ZNF462: variants seen among roughly 807,000 people sequenced by gnomAD.
ZNF462 encodes the protein zinc finger protein 462.
Under a neutral mutation model 201.9 loss-of-function variants are expected in ZNF462, and 10 were observed. The observed-to-expected ratio is 0.05, with a 90% CI of 0.03 to 0.08. The LOEUF is 0.08. Ranked by LOEUF, ZNF462 falls within the 10% of genes least tolerant of loss-of-function variation. The pLI, the probability that ZNF462 is intolerant of heterozygous loss-of-function variation, is 1.00. For synonymous variants in ZNF462, 1,227 were observed against 1,193.3 expected (o/e 1.03, Z -0.58); for missense variants, 2,523 against 3,168.3 (o/e 0.80, Z 4.89).
At chr9:106,864,186 T>C (rs1223262110) in intron 1 of ZNF462, among the ~76,000 whole-genome samples, 2 of 142,044 alleles carry the variant, frequency 1.4e-5, no homozygotes, top group African/African-American at 5.3e-5. Context: ...CCGGTGCTGC[T>C]GGTGAACAGA....
chr9:106,908,491 GTA>G (rs1829366584), intron 1 of ZNF462, among the ~76,000 whole-genome samples: 1 of 151,666 alleles, frequency 6.6e-6, no homozygotes, highest in African/African-American at 2.4e-5. Context: ...CTTTTGCTTG[GTA>G]TATGTTTAAT....
In ZNF462 at chr9:106,929,174, T is replaced by C. The variant is rs930482886; in HGVS notation, c.5262T>C (p.Pro1754=). ...IIPSPPKDDS[P]QLSEELRRAV... ...CATCCCCGCCCAAGGACGACTCCCCTCAGCTGAGCGAGGAACTCCGGCGGG... is the reference window on the plus strand; with the variant it reads ...CATCCCCGCCCAAGGACGACTCCCCCCAGCTGAGCGAGGAACTCCGGCGGG... The change falls in exon 3 of 13, where the codon CCT becomes CCC. Residue 1754 remains proline (P), a synonymous_variant. Transcript: ENST00000277225. The surrounding 1 kb of genome is among the most constrained non-coding windows in gnomAD (Gnocchi z 8.7). 1 of 1,613,996 alleles carries C rather than the reference T, an allele frequency of 6.2e-7. No individual in the cohort carries two copies. Among genetic ancestry groups the C allele is most frequent in the African/African-American group, 1.3e-5 (1 of 75,000 alleles).
At position 106,993,643 on chromosome 9, in the gene ZNF462, A is replaced by T. The variant is rs1341186412; in HGVS notation, c.7056+9234A>T. On this transcript the variant is annotated intron_variant, in intron 10 of 12. Transcript: ENST00000277225. The surrounding 1 kb of genome is among the most constrained non-coding windows in gnomAD (Gnocchi z 4.0). ...CCTTTACTTCCCTCTCCCTTCCTTCACTCCCTGCATTCTCTGTCCCCCAAC... is the reference window on the plus strand; with the variant it reads ...CCTTTACTTCCCTCTCCCTTCCTTCTCTCCCTGCATTCTCTGTCCCCCAAC... Among the ~76,000 whole-genome samples the T allele has an allele frequency of 1.7e-5, 2 of 120,852 alleles. No individual in the cohort carries two copies. The highest frequency in any genetic ancestry group is 2.6e-4 in the South Asian group (1 of 3,780). The allele number at this position is 120,852 out of a possible 152,430, so 79.3% of individuals were successfully genotyped here. A position where few individuals can be genotyped will look rare whatever the true frequency, so the allele number is the denominator to read the frequency against.
rs79786471 is a variant in ZNF462, at chr9:107,005,077, T to C, written c.7189+1651T>C. Among the ~76,000 whole-genome samples, 303 of 152,292 alleles carry C rather than the reference T, an allele frequency of 2.0e-3. 3 individuals are homozygous for C. Among genetic ancestry groups the C allele is most frequent in the African/African-American group, 7.0e-3 (291 of 41,578 alleles). On this transcript the variant is annotated intron_variant, in intron 11 of 12. Coordinates refer to ENST00000277225, the MANE Select transcript of ZNF462 (RefSeq NM_021224.6). The surrounding 1 kb of genome is among the most constrained non-coding windows in gnomAD (Gnocchi z 4.4). ...TTTTTTAATGGTGAATAGTATTTCATGTGTGTATATACCACATTTTCTTTA... is the reference window on the plus strand; with the variant it reads ...TTTTTTAATGGTGAATAGTATTTCACGTGTGTATATACCACATTTTCTTTA...
chr9:107,006,952 T>C lies in ZNF462; in HGVS notation c.7190-2593T>C, dbSNP rs1217000587. On this transcript the variant is annotated intron_variant, in intron 11 of 12. Coordinates refer to ENST00000277225, the MANE Select transcript of ZNF462 (RefSeq NM_021224.6). The surrounding 1 kb of genome is among the most constrained non-coding windows in gnomAD (Gnocchi z 4.3). ...ACGGTTGTGATCGGAGAAGCATGGC[T>C]TCTTTCTTTTTTCTTTTTCAAACCA... Among the ~76,000 whole-genome samples, 1 of 152,190 alleles carries C rather than the reference T, an allele frequency of 6.6e-6. No homozygotes were observed. Among genetic ancestry groups the C allele is most frequent in the Non-Finnish European group, 1.5e-5 (1 of 68,034 alleles).
chr9:106,931,454 C>T (rs537150472), intron 4 of ZNF462, among the ~76,000 whole-genome samples: 16 of 152,316 alleles, frequency 1.1e-4, no homozygotes, highest in African/African-American at 3.4e-4. Context: ...ATATTTTTGT[C>T]ATCTGCCCTT....
chr9:106,953,659 T>C (rs1000109307), intron 7 of ZNF462, among the ~76,000 whole-genome samples: 1 of 152,060 alleles, frequency 6.6e-6, no homozygotes. Context: ...CTCTCTCTCT[T>C]TACAGATATA....
intron 7 of ZNF462, among the ~76,000 whole-genome samples, chr9:106,956,336 G>C (rs1831573086): frequency 6.6e-6 from 1 of 152,098 alleles, no homozygotes; most frequent in South Asian, 2.1e-4. Context: ...CATTTTGAAA[G>C]GAATCTTTTT....
At position 106,913,050 on chromosome 9, in the gene ZNF462, A is replaced by C. The variant is rs1829616841; in HGVS notation, c.-30-10304A>C. 6.6e-6 allele frequency among the ~76,000 whole-genome samples: 1 copy of C among 152,210 alleles called. No individual in the cohort carries two copies. Among genetic ancestry groups the C allele is most frequent in the African/African-American group, 2.4e-5 (1 of 41,468 alleles). ...TAGTCAGGTGATGACTCCAGGTGTC[A>C]CATCAGTTCAGGGTAGCTTAGCGGT... On this transcript the variant is annotated intron_variant, in intron 1 of 12. Coordinates refer to ENST00000277225, the MANE Select transcript of ZNF462 (RefSeq NM_021224.6). This position sits in a 1 kb window ranked among gnomAD's most constrained non-coding sequence, Gnocchi z 4.1.
chr9:106,946,562 G>A (rs141926832), intron 7 of ZNF462, among the ~76,000 whole-genome samples: 3 of 152,250 alleles, frequency 2.0e-5, no homozygotes, highest in African/African-American at 7.2e-5. Flanking sequence ...TATTTGAGTT[G>A]GGAGAAGTCA....
At chr9:106,881,319 G>A (rs1828087387) in intron 1 of ZNF462, among the ~76,000 whole-genome samples, 1 of 152,182 alleles carries the variant, frequency 6.6e-6, no homozygotes, top group South Asian at 2.1e-4. Context: ...TTTTCTGTCA[G>A]TATTGGTAGG....
rs578103686 is a variant in ZNF462, at chr9:106,968,367, T to G, written c.6428-3638T>G. ...CATTGCTAAAATTCTAATTTGATCCTGATTTTAATTCATTTCTTATGATAG... is the reference window on the plus strand; with the variant it reads ...CATTGCTAAAATTCTAATTTGATCCGGATTTTAATTCATTTCTTATGATAG... On this transcript the variant is annotated intron_variant, in intron 7 of 12. Transcript: ENST00000277225. This position sits in a 1 kb window ranked among gnomAD's most constrained non-coding sequence, Gnocchi z 4.0. Among the ~76,000 whole-genome samples the G allele has an allele frequency of 6.6e-5, 10 of 152,364 alleles. No individual in the cohort carries two copies. The highest frequency in any genetic ancestry group is 2.4e-4 in the African/African-American group (10 of 41,590).
In ZNF462 at chr9:106,925,815, C is replaced by A; in HGVS notation, c.1903C>A (p.Gln635Lys). ...TGACAACTTGCCAAAATTCGAGGGG[C>A]AGCCCTCAAGCCTACCATTGGAAAA... ...FCDNLPKFEG[Q>K]PSSLPLENET... Residue 635 changes from glutamine (Q) to lysine (K), a missense_variant, in exon 3 of 13, where the codon CAG becomes AAG. Physicochemically the swap from Gln to Lys is moderately conservative, Grantham distance 53 (BLOSUM62 1). Coordinates refer to ENST00000277225, the MANE Select transcript of ZNF462 (RefSeq NM_021224.6). The surrounding 1 kb of genome is among the most constrained non-coding windows in gnomAD (Gnocchi z 7.9). 6.2e-7 allele frequency: 1 copy of A among 1,614,244 alleles called. No individual in the cohort carries two copies. The highest frequency in any genetic ancestry group is 8.5e-7 in the Non-Finnish European group (1 of 1,180,046).
chr9:106,965,645 C>T (rs535717797), intron 7 of ZNF462, among the ~76,000 whole-genome samples: 6 of 152,118 alleles, frequency 3.9e-5, no homozygotes, highest in East Asian at 3.9e-4. Context: ...ACATTCAGAA[C>T]GCAGAAGGAG....
At chr9:106,982,741 C>G (rs930839864) in intron 9 of ZNF462, among the ~76,000 whole-genome samples, 1 of 152,070 alleles carries the variant, frequency 6.6e-6, no homozygotes, top group Non-Finnish European at 1.5e-5. Flanking sequence ...TTTTGCGGGC[C>G]GATTAATCGC....
intron 10 of ZNF462, among the ~76,000 whole-genome samples, chr9:106,999,360 C>A (rs978046474): frequency 3.9e-5 from 6 of 152,254 alleles, no homozygotes; most frequent in Middle Eastern, 6.8e-3. Flanking sequence ...GACTTTGACC[C>A]TGTAATTTCA....
rs1231492560 is a variant in ZNF462 at position 106,926,704 on chromosome 9, C to T, written c.2792C>T (p.Ser931Leu). 2 of 1,614,052 alleles carry T rather than the reference C, an allele frequency of 1.2e-6. No homozygotes were observed. The highest frequency in any genetic ancestry group is 1.7e-5 in the Admixed American group (1 of 60,014). ...CTGATCTACCGGTGTCGGTTTTGTT[C>T]ATACACGAGCCCGAATGTTAGAAGC... Reference protein sequence around the residue: ...SDLIYRCRFCSYTSPNVRSLM... With the variant: ...SDLIYRCRFCLYTSPNVRSLM... The change falls in exon 3 of 13, where the codon TCA (serine) becomes TTA (leucine). Residue 931 changes from serine to leucine, a missense_variant. Around this residue, in one of 15 missense-constraint regions of ZNF462, gnomAD observed 280 missense variants for 321.3 expected, o/e 0.87. Coordinates refer to ENST00000277225, the MANE Select transcript of ZNF462 (RefSeq NM_021224.6). The surrounding 1 kb of genome is among the most constrained non-coding windows in gnomAD (Gnocchi z 7.9).
intron 7 of ZNF462, among the ~76,000 whole-genome samples, chr9:106,943,759 G>A (rs1250210271): frequency 1.3e-5 from 2 of 152,090 alleles, no homozygotes; most frequent in African/African-American, 4.8e-5. Context: ...TTCTTTTCAT[G>A]GACCAGTGGT....
At chr9:106,999,404 A>C (rs1829004889) in intron 10 of ZNF462, among the ~76,000 whole-genome samples, 1 of 152,192 alleles carries the variant, frequency 6.6e-6, no homozygotes, top group South Asian at 2.1e-4. Context: ...ATTAAAACTA[A>C]GCATGAAAGA....
Sources: allele counts gnomAD v4.1 joint callset (sites outside exome capture counted in the v4.1 genomes callset), GRCh38; gene constraint gnomAD v4.1.1; regional missense constraint gnomAD v4.1.1; non-coding constraint Gnocchi (gnomAD v3.1); transcripts MANE v1.5; gene names NCBI Gene and HGNC (gene_info 2026-07-23, HGNC 2026-07-21).